Variants in COL4A2 observed in about 807,000 individuals in gnomAD.
COL4A2 encodes collagen type IV alpha 2 chain.
In COL4A2, 99 loss-of-function variants were observed where a neutral mutation model predicts 200.2. The ratio of observed to expected loss-of-function variants is 0.49; its 90% CI spans 0.42 to 0.58. The LOEUF (loss-of-function observed/expected upper bound fraction) is 0.58. Among genes scored for constraint, COL4A2 ranks in the 20% least tolerant of loss-of-function variants. COL4A2 has a pLI of 0.00. For missense variants in COL4A2, 1,950 were observed against 2,314.1 expected, an observed-to-expected ratio of 0.84 and a Z score of 3.23; for synonymous variants, 897 against 900.6, an observed-to-expected ratio of 1.00 and a Z score of 0.07.
chr13:110,416,891 G>A (rs1479734914), intron 4 of COL4A2, among the ~76,000 whole-genome samples: 4 of 152,244 alleles, frequency 2.6e-5, no homozygotes, highest in Admixed American at 6.5e-5. Flanking sequence ...GACAGTTTTC[G>A]AAATTTCTGT....
At chr13:110,457,644 C>G in intron 21 of COL4A2, 1 of 679,336 alleles carries the variant, frequency 1.5e-6, no homozygotes, top group Non-Finnish European at 2.8e-6. Context: ...CCCCCAGGCT[C>G]ACCGTCCCTG....
intron 3 of COL4A2, among the ~76,000 whole-genome samples, chr13:110,316,311 C>G (rs914534051): frequency 2.0e-5 from 3 of 152,198 alleles, no homozygotes; most frequent in Non-Finnish European, 2.9e-5. Context: ...TGTTGGTGCA[C>G]AGGGTCAGAC....
chr13:110,478,044 C>A lies in COL4A2; in HGVS notation c.2467C>A (p.Pro823Thr). 1.3e-6 allele frequency: 2 copies of A among 1,591,740 alleles called. No homozygotes were observed. The highest frequency in any genetic ancestry group is 1.7e-6 in the Non-Finnish European group (2 of 1,166,586). Residue 823 changes from proline (P) to threonine (T), a missense_variant, in exon 30 of 48, where the codon CCA (proline) becomes ACA (threonine). This residue lies in a region of COL4A2 where 1,385 missense variants were observed against 1,720.5 expected (regional missense o/e 0.80). Transcript: ENST00000360467. Reference sequence around the variant, plus strand: ...TGGGATGCCAGGGCTGAAGGGCCAGCCAGGCCTCCCAGGACCTTCCGGCCA... The same window carrying A: ...TGGGATGCCAGGGCTGAAGGGCCAGACAGGCCTCCCAGGACCTTCCGGCCA... ...MPGMPGLKGQ[P>T]GLPGPSGQPG...
chr13:110,457,263 G>T (rs545408932), intron 20 of COL4A2, 80 bp from the exon 21 acceptor site: 1 of 648,770 alleles, frequency 1.5e-6, no homozygotes, highest in South Asian at 1.7e-5. Context: ...CCAGGCGTCC[G>T]TGGGGCTGAT....
chr13:110,463,326 G>A (rs1566548229), intron 24 of COL4A2: 1 of 152,080 alleles, frequency 6.6e-6, no homozygotes, highest in Non-Finnish European at 1.5e-5. Flanking sequence ...TAGGGAGAGC[G>A]GTCATATTGG....
intron 6 of COL4A2, among the ~76,000 whole-genome samples, chr13:110,427,394 C>G (rs140609166): frequency 0.056 from 8,580 of 152,230 alleles, 804 homozygotes; most frequent in African/African-American, 0.2. Flanking sequence ...AAGTGATCCA[C>G]CTGCCTCAGC....
chr13:110,486,384 G>A (rs1883119567), intron 34 of COL4A2, among the ~76,000 whole-genome samples: 1 of 152,240 alleles, frequency 6.6e-6, no homozygotes, highest in African/African-American at 2.4e-5. Context: ...AATGAAGGTA[G>A]TAGCTACCTT....
intron 27 of COL4A2, chr13:110,468,464 G>C: frequency 2.6e-6 from 1 of 378,222 alleles, no homozygotes; most frequent in Non-Finnish European, 5.4e-6. Flanking sequence ...TGCCAAGGCC[G>C]GTCTCCGGGA....
chr13:110,318,458 C>T (rs959973485), intron 3 of COL4A2, among the ~76,000 whole-genome samples: 21 of 152,122 alleles, frequency 1.4e-4, no homozygotes, highest in African/African-American at 4.8e-4. Context: ...ACGTTCAGTA[C>T]GATTGATTTT....
intron 4 of COL4A2, among the ~76,000 whole-genome samples, chr13:110,375,096 T>C (rs1452576713): frequency 6.6e-6 from 1 of 152,232 alleles, no homozygotes; most frequent in Non-Finnish European, 1.5e-5. Context: ...GGGTTAGAGC[T>C]GTTGCCCAAT....
chr13:110,432,647 G>A (rs902633693), intron 11 of COL4A2, among the ~76,000 whole-genome samples: 12 of 152,312 alleles, frequency 7.9e-5, no homozygotes, highest in Non-Finnish European at 1.5e-4. Context: ...TGATTGAAAC[G>A]AAGATTAGAA....
chr13:110,319,266 T>A (rs1885221699), intron 3 of COL4A2, among the ~76,000 whole-genome samples: 1 of 152,166 alleles, frequency 6.6e-6, no homozygotes, highest in Non-Finnish European at 1.5e-5. Context: ...TCCTTAAGTT[T>A]AGGAAATGTC....
rs762275000 is a variant in COL4A2 at position 110,503,237 on chromosome 13, G to A, written c.3994G>A (p.Gly1332Arg). 14 of 1,613,404 alleles carry A rather than the reference G, an allele frequency of 8.7e-6. No homozygotes were observed. Among genetic ancestry groups the A allele is most frequent in the South Asian group, 5.5e-5 (5 of 91,062 alleles). Residue 1332 changes from glycine (G) to arginine (R), a missense_variant, in exon 42 of 48, where the codon GGG (glycine) becomes AGG (arginine). Gly to Arg is a moderately radical substitution (Grantham distance 125, BLOSUM62 -2). Transcript: ENST00000360467. ...GACCAAAGGATGGGCCGGGGACTCC[G>A]GGCCCCAGGGCAGGCCTGGTGTGTT... Reference protein sequence around the residue: ...PGTKGWAGDSGPQGRPGVFGL... With the variant: ...PGTKGWAGDSRPQGRPGVFGL...
chr13:110,467,915 A>C lies in COL4A2; in HGVS notation c.2095+819A>C, dbSNP rs185766913. Among the ~76,000 whole-genome samples the C allele has an allele frequency of 2.1e-3, 326 of 152,328 alleles. 11 individuals are homozygous for C. The highest frequency in any genetic ancestry group is 0.021 in the Admixed American group (315 of 15,308). Reference sequence around the variant, plus strand: ...CGGCCTGTGATGGGGCCGGGGAAGCATGTCACTTGGGTAACTCAGTGTCAC... The same window carrying C: ...CGGCCTGTGATGGGGCCGGGGAAGCCTGTCACTTGGGTAACTCAGTGTCAC... On this transcript the variant is annotated intron_variant, in intron 27 of 47. Transcript: ENST00000360467.
chr13:110,350,446 G>A (rs1027886055), intron 3 of COL4A2, among the ~76,000 whole-genome samples: 1 of 152,200 alleles, frequency 6.6e-6, no homozygotes, highest in Admixed American at 6.5e-5. Context: ...CTCAGCCACT[G>A]AGTCCTTAGG....
intron 13 of COL4A2, among the ~76,000 whole-genome samples, chr13:110,436,791 T>C (rs1253947435): frequency 6.6e-6 from 1 of 152,212 alleles, no homozygotes; most frequent in African/African-American, 2.4e-5. Context: ...AGTCAGTTTT[T>C]GACAGTTTCT....
chr13:110,346,791 G>A (rs989319329), intron 3 of COL4A2, among the ~76,000 whole-genome samples: 1 of 152,188 alleles, frequency 6.6e-6, no homozygotes, highest in African/African-American at 2.4e-5. Context: ...TCAAGATGAG[G>A]CACATGTGAG....
rs1594116959 is a variant in COL4A2 at position 110,506,591 on chromosome 13, C to T, written c.4579C>T (p.His1527Tyr). 1 of 1,611,728 alleles carries T rather than the reference C, an allele frequency of 6.2e-7. No individual in the cohort carries two copies. Residue 1527 changes from histidine (H) to tyrosine (Y), a missense_variant, in exon 46 of 48, where the codon CAC becomes TAC. Coordinates refer to ENST00000360467, the MANE Select transcript of COL4A2 (RefSeq NM_001846.4). ...GTACTTCGAGGGCCAGGAGAAGGCG[C>T]ACAACCAGGACCTGGGTAGGTACCT... is the stretch of plus-strand genomic sequence containing the variant. Reference protein sequence around the residue: ...LLYFEGQEKAHNQDLGLAGSC... With the variant: ...LLYFEGQEKAYNQDLGLAGSC...
intron 17 of COL4A2, among the ~76,000 whole-genome samples, chr13:110,446,206 G>A (rs1881316134): frequency 6.6e-6 from 1 of 151,814 alleles, no homozygotes; most frequent in African/African-American, 2.4e-5. Context: ...GGGAGGATGT[G>A]GCTTGTGTGA....
Sources: allele counts gnomAD v4.1 joint callset (sites outside exome capture counted in the v4.1 genomes callset), GRCh38; gene constraint gnomAD v4.1.1; regional missense constraint gnomAD v4.1.1; transcripts MANE v1.5; gene names NCBI Gene and HGNC (gene_info 2026-07-23, HGNC 2026-07-21).